RARB: variants seen among roughly 807,000 people sequenced by gnomAD.
RARB encodes HBV-activated protein.
Under a neutral mutation model 51.9 loss-of-function variants are expected in RARB, and 17 were observed. That is an observed-to-expected ratio of 0.33 (90% CI 0.22 to 0.49). The LOEUF (loss-of-function observed/expected upper bound fraction) is 0.49, where lower values mean the gene tolerates loss of function less well. Among genes scored for constraint, RARB ranks in the 20% least tolerant of loss-of-function variants. RARB has a pLI of 0.99. For missense variants in RARB, 369 were observed against 550.8 expected (o/e 0.67, Z 3.30); for synonymous variants, 215 against 195.4 (o/e 1.10, Z -0.84).
intron 3 of RARB, among the ~76,000 whole-genome samples, chr3:25,078,467 CTA>C (rs1435140064): frequency 6.6e-6 from 1 of 151,246 alleles, no homozygotes; most frequent in African/African-American, 2.4e-5. Context: ...ATGGATTTAT[CTA>C]TATGACAATG....
At chr3:25,098,226 A>G (rs986586020) in intron 3 of RARB, among the ~76,000 whole-genome samples, 6 of 152,122 alleles carry the variant, frequency 3.9e-5, no homozygotes, top group African/African-American at 1.4e-4. Flanking sequence ...AAAGGCAGGC[A>G]GTGGAAAGGA....
At chr3:25,324,663 GC>G in intron 5 of RARB, 4 of 166,684 alleles carry the variant, frequency 2.4e-5, no homozygotes. Flanking sequence ...CCCTTTGTGA[GC>G]CCCCTTCCTG....
chr3:24,970,751 T>C (rs1056674972), intron 2 of RARB, among the ~76,000 whole-genome samples: 2 of 152,028 alleles, frequency 1.3e-5, no homozygotes, highest in Non-Finnish European at 2.9e-5. Flanking sequence ...ATGAATACTT[T>C]GTGTGGAGTA....
chr3:25,201,843 C>T (rs74672917), intron 5 of RARB, among the ~76,000 whole-genome samples: 76,530 of 151,916 alleles, frequency 0.5, 19,910 homozygotes, highest in African/African-American at 0.62. Flanking sequence ...CAGTATTTTA[C>T]TGAGGATTTT....
At chr3:25,469,499 C>A (rs902349888) in intron 2 of RARB, among the ~76,000 whole-genome samples, 1 of 152,176 alleles carries the variant, frequency 6.6e-6, no homozygotes, top group South Asian at 2.1e-4. Context: ...GTGTACCACT[C>A]TGTGATAGCT....
chr3:25,355,873 A>T (rs1705717444), intron 5 of RARB, among the ~76,000 whole-genome samples: 1 of 152,164 alleles, frequency 6.6e-6, no homozygotes, highest in South Asian at 2.1e-4. Flanking sequence ...TTTGTGAGTA[A>T]GTCTCTTATT....
intron 3 of RARB, among the ~76,000 whole-genome samples, chr3:25,514,973 T>C (rs1408753917): frequency 1.3e-5 from 2 of 152,300 alleles, no homozygotes; most frequent in South Asian, 2.1e-4. Context: ...TCTGCAAATA[T>C]GCAGTCTCAG....
rs1375265638 is a variant in RARB, at chr3:25,061,822, G to C, written c.-328+1646G>C. On this transcript the variant is annotated intron_variant, in intron 3 of 11. Transcript: ENST00000383772. The stretch of plus-strand genomic sequence containing the variant: ...AGTTAATGTTGATTTGTTAGAATAA[G>C]TATATGAATTTTTGAAAAAAGAACT... Among the ~76,000 whole-genome samples the C allele has an allele frequency of 4.0e-5, 6 of 151,790 alleles. No homozygotes were observed. The East Asian group carries it at 1.2e-3, about 29-fold the overall frequency.
chr3:25,214,102 A>C (rs1701763358), intron 5 of RARB, among the ~76,000 whole-genome samples: 1 of 152,196 alleles, frequency 6.6e-6, no homozygotes, highest in Non-Finnish European at 1.5e-5. Flanking sequence ...GATAGATGGG[A>C]GTTTTGAGGT....
At chr3:25,313,656 C>T (rs1704345000) in intron 5 of RARB, among the ~76,000 whole-genome samples, 1 of 152,182 alleles carries the variant, frequency 6.6e-6, no homozygotes, top group Admixed American at 6.5e-5. Flanking sequence ...ATTTCCTAAG[C>T]TCCTGTGTCA....
At chr3:25,390,250 T>G (rs943725706) in intron 5 of RARB, among the ~76,000 whole-genome samples, 6 of 152,140 alleles carry the variant, frequency 3.9e-5, no homozygotes, top group Non-Finnish European at 5.9e-5. Context: ...CCCCAGCTAC[T>G]CAGGAAGCTG....
intron 1 of RARB, among the ~76,000 whole-genome samples, chr3:25,447,188 G>A (rs1708986210): frequency 6.6e-6 from 1 of 152,100 alleles, no homozygotes; most frequent in Admixed American, 6.6e-5. Flanking sequence ...CACATCACAT[G>A]TAAGGATTTG....
intron 2 of RARB, among the ~76,000 whole-genome samples, chr3:25,046,634 T>G (rs1698222422): frequency 6.6e-6 from 1 of 151,872 alleles, no homozygotes; most frequent in Non-Finnish European, 1.5e-5. Context: ...TTGTATTTTT[T>G]GATAGAGACG....
intron 3 of RARB, among the ~76,000 whole-genome samples, chr3:25,061,749 G>A (rs1165553247): frequency 6.6e-6 from 1 of 151,746 alleles, no homozygotes; most frequent in Non-Finnish European, 1.5e-5. Flanking sequence ...TACTAGTTAA[G>A]TGTTAATAAT....
intron 2 of RARB, among the ~76,000 whole-genome samples, chr3:25,494,154 C>T (rs1696885339): frequency 6.6e-6 from 1 of 152,050 alleles, no homozygotes; most frequent in Non-Finnish European, 1.5e-5. Context: ...TAGCCCTCTA[C>T]TGCACAGAAG....
At chr3:25,262,669 T>C (rs1054692796) in intron 5 of RARB, among the ~76,000 whole-genome samples, 3 of 152,192 alleles carry the variant, frequency 2.0e-5, no homozygotes, top group South Asian at 2.1e-4. Context: ...TCTTTCACTT[T>C]TGAAGACGCT....
At chr3:25,141,231 A>G (rs1238782704) in intron 4 of RARB, among the ~76,000 whole-genome samples, 1 of 152,130 alleles carries the variant, frequency 6.6e-6, no homozygotes, top group Non-Finnish European at 1.5e-5. Flanking sequence ...ACGTTCTTAA[A>G]AGATATTTGC....
intron 2 of RARB, among the ~76,000 whole-genome samples, chr3:24,913,323 A>G (rs1695038831): frequency 6.7e-6 from 1 of 150,274 alleles, no homozygotes; most frequent in Non-Finnish European, 1.5e-5. Flanking sequence ...TCCCACTGAG[A>G]TTTCCTTCAA....
Position 24,995,466 on chromosome 3 carries a change from T to C in RARB, c.-379-64659T>C, listed in dbSNP as rs377334810. ...AGTTTGGATGCCCTTCATTTCTTTG[T>C]CTTGCCAAATTTCTCTAGCTAGGAC... On this transcript the variant is annotated intron_variant, in intron 2 of 11. Transcript: ENST00000383772. Among the ~76,000 whole-genome samples the C allele has an allele frequency of 2.8e-4, 42 of 152,234 alleles. No individual in the cohort carries two copies. In the South Asian group the frequency reaches 8.1e-3, roughly 29 times the overall value.
Sources: gnomAD v4.1 joint callset for allele counts (sites outside exome capture counted in the v4.1 genomes callset) on GRCh38, gnomAD v4.1.1 for gene constraint, MANE v1.5 for transcripts, NCBI Gene and HGNC (gene_info 2026-07-23, HGNC 2026-07-21) for gene names.